Variants in SPTLC1 observed in about 807,000 individuals in gnomAD.
SPTLC1 encodes the protein serine palmitoyltransferase long chain base subunit 1.
SPTLC1 carries 55 observed loss-of-function variants against 68.9 expected under a neutral mutation model. The observed-to-expected ratio is 0.80, with a 90% CI of 0.64 to 1.00. The LOEUF (loss-of-function observed/expected upper bound fraction) is 1.00. Among genes scored for constraint, SPTLC1 ranks in the 50% least tolerant of loss-of-function variants. The probability of loss-of-function intolerance (pLI) is 0.00; values close to 1 mark genes in which losing one functional copy is unlikely to be tolerated. For missense variants in SPTLC1, 449 were observed against 573.1 expected (o/e 0.78, Z 2.21); for synonymous variants, 197 against 201.6 (o/e 0.98, Z 0.19).
At chr9:92,106,862 C>A (rs1226041557) in intron 3 of SPTLC1, among the ~76,000 whole-genome samples, 3 of 152,098 alleles carry the variant, frequency 2.0e-5, no homozygotes, top group African/African-American at 7.2e-5. Flanking sequence ...TCCAGCCTCC[C>A]TTCAGAAGGG....
In SPTLC1 at chr9:92,031,244, G is replaced by A. The variant is rs541013337; in HGVS notation, c.*1221C>T. The A allele has an allele frequency of 3.8e-4, 58 of 152,552 alleles. No individual in the cohort carries two copies. The highest frequency in any genetic ancestry group is 1.4e-3 in the African/African-American group (58 of 41,514). The allele number at this position is 152,552 out of a possible 1,614,324, so 9.4% of individuals were successfully genotyped here. On this transcript the variant is annotated 3_prime_UTR_variant, in exon 15 of 15. Transcript: ENST00000262554. ...TCCTTTAAAGCAGCAGCAATCACAA[G>A]GCACATATGTACAAAATACCTCAAG...
At position 92,055,487 on chromosome 9, in the gene SPTLC1, CGA is replaced by C; in HGVS notation, c.696_697del (p.Arg233GlnfsTer29). 6.2e-7 allele frequency: 1 copy of C among 1,613,372 alleles called. No individual in the cohort carries two copies. ...GAAACGCCGAGTTACACGAGCCTTG[CGA>C]GGATTCTTTAAAAGAGAAAAAGCAG... is the stretch of plus-strand genomic sequence containing the variant. On this transcript the variant is annotated frameshift_variant, in exon 8 of 15. Transcript: ENST00000262554. LOFTEE classifies it high-confidence loss of function.
At chr9:92,109,645 A>T (rs1234585560) in intron 2 of SPTLC1, 1 of 152,266 alleles carries the variant, frequency 6.6e-6, no homozygotes, top group Non-Finnish European at 1.5e-5. Flanking sequence ...TATTGGATCA[A>T]CAATTCTCAC....
At chr9:92,103,629 G>A (rs141864158) in intron 3 of SPTLC1, among the ~76,000 whole-genome samples, 3,422 of 152,320 alleles carry the variant, frequency 0.022, 121 homozygotes, top group African/African-American at 0.079. Context: ...TCAGGTCAGG[G>A]CACCGCGTCC....
chr9:92,063,464 C>T (rs933333316), intron 6 of SPTLC1, among the ~76,000 whole-genome samples: 1 of 152,034 alleles, frequency 6.6e-6, no homozygotes, highest in Non-Finnish European at 1.5e-5. Context: ...TAATTCTATA[C>T]AAATAGCTCC....
chr9:92,101,885 T>A (rs889168496), intron 3 of SPTLC1, among the ~76,000 whole-genome samples: 18 of 151,550 alleles, frequency 1.2e-4, no homozygotes, highest in African/African-American at 4.4e-4. Flanking sequence ...AACAAAACAA[T>A]AGCTGAAAAT....
chr9:92,051,170 C>T (rs1833692415), intron 8 of SPTLC1: 1 of 981,442 alleles, frequency 1.0e-6, no homozygotes, highest in Non-Finnish European at 1.2e-6. Context: ...TACATCTCTT[C>T]TATTGATACT....
At chr9:92,086,877 C>T (rs1487833678) in intron 3 of SPTLC1, among the ~76,000 whole-genome samples, 1 of 152,222 alleles carries the variant, frequency 6.6e-6, no homozygotes, top group African/African-American at 2.4e-5. Flanking sequence ...CTTTCAGGTG[C>T]ACCAATCAGA....
At chr9:92,089,790 CAAG>C (rs1445336726) in intron 3 of SPTLC1, among the ~76,000 whole-genome samples, 2 of 152,124 alleles carry the variant, frequency 1.3e-5, no homozygotes, top group African/African-American at 4.8e-5. Flanking sequence ...GAATAAATTA[CAAG>C]AAGACACATG....
At chr9:92,040,903 G>A (rs1283333728) in intron 12 of SPTLC1, among the ~76,000 whole-genome samples, 1 of 152,186 alleles carries the variant, frequency 6.6e-6, no homozygotes, top group East Asian at 1.9e-4. Context: ...CCTAGATGCT[G>A]AATGTCAGAT....
chr9:92,032,748 T>C (rs145305205), intron 14 of SPTLC1, among the ~76,000 whole-genome samples, 190 bp from the exon 15 acceptor site: 2,462 of 151,582 alleles, frequency 0.016, 56 homozygotes, highest in South Asian at 0.08. Flanking sequence ...TGGTGGCGGG[T>C]GCCTGTAGTC....
chr9:92,078,124 T>G (rs1215273898), intron 5 of SPTLC1, among the ~76,000 whole-genome samples: 1 of 151,878 alleles, frequency 6.6e-6, no homozygotes, highest in African/African-American at 2.4e-5. Flanking sequence ...ACCTTTACCC[T>G]CCCAAACAAC....
intron 3 of SPTLC1, among the ~76,000 whole-genome samples, chr9:92,096,353 T>G (rs1202895529): frequency 1.3e-5 from 2 of 152,188 alleles, no homozygotes; most frequent in African/African-American, 2.4e-5. Flanking sequence ...TTAATTTGAT[T>G]GTGGTCATTA....
At chr9:92,098,854 C>T (rs1333510649) in intron 3 of SPTLC1, among the ~76,000 whole-genome samples, 1 of 152,028 alleles carries the variant, frequency 6.6e-6, no homozygotes, top group Non-Finnish European at 1.5e-5. Context: ...TGTGTAGCAG[C>T]TGCATATAAC....
intron 10 of SPTLC1, 102 bp from the exon 11 acceptor site, chr9:92,047,370 A>G: frequency 4.1e-6 from 4 of 977,328 alleles, no homozygotes; most frequent in South Asian, 4.0e-5. Context: ...CAGTGTGTAC[A>G]TGTGGTGAGG....
chr9:92,046,904 G>C (rs1313537575), intron 11 of SPTLC1, among the ~76,000 whole-genome samples: 1 of 152,144 alleles, frequency 6.6e-6, no homozygotes, highest in Non-Finnish European at 1.5e-5. Context: ...AACTGGCTGA[G>C]AGCCCCTCGT....
At chr9:92,055,315 A>G in intron 8 of SPTLC1, 90 bp downstream of exon 8, 3 of 1,589,860 alleles carry the variant, frequency 1.9e-6, no homozygotes, top group Non-Finnish European at 2.6e-6. Context: ...AAAGCAACGC[A>G]GACGTTATAC....
chr9:92,038,967 TAAAACA>T (rs762852344), intron 12 of SPTLC1, among the ~76,000 whole-genome samples: 2 of 152,104 alleles, frequency 1.3e-5, no homozygotes, highest in Admixed American at 6.5e-5. Flanking sequence ...TCTCTACAAA[TAAAACA>T]AAAACAAAAA....
intron 3 of SPTLC1, among the ~76,000 whole-genome samples, chr9:92,093,449 A>T (rs1339116818): frequency 6.6e-6 from 1 of 152,210 alleles, no homozygotes; most frequent in Non-Finnish European, 1.5e-5. Context: ...GTAAGTCCAA[A>T]AATGTGAATA....
Sources: allele counts gnomAD v4.1 joint callset (sites outside exome capture counted in the v4.1 genomes callset), GRCh38; gene constraint gnomAD v4.1.1; transcripts MANE v1.5; gene names NCBI Gene and HGNC (gene_info 2026-07-23, HGNC 2026-07-21).